Variants in TMIE observed in about 807,000 individuals in gnomAD.
The protein encoded by TMIE is transmembrane inner ear expressed protein.
A neutral mutation model predicts 16.8 loss-of-function variants in TMIE; 14 were observed. The ratio of observed to expected loss-of-function variants is 0.83; its 90% CI spans 0.55 to 1.30. TMIE has a LOEUF of 1.30. TMIE is among the 50% of genes most tolerant of loss of function. The pLI is 0.00. For missense variants in TMIE, 204 were observed against 205.9 expected (o/e 0.99, Z 0.06); for synonymous variants, 75 against 87.2 (o/e 0.86, Z 0.78).
Position 46,709,728 on chromosome 3 carries a change from C to T in TMIE, c.*40C>T, listed in dbSNP as rs1213546083. ...GCTTGGGCTGGCGGGCCCTGGAGCT[C>T]AAGCCGTGGCCGGGGTCCAGGCATG... On this transcript the variant is annotated 3_prime_UTR_variant, in exon 4 of 4. Transcript: ENST00000643606. The T allele has an allele frequency of 1.2e-6, 2 of 1,612,528 alleles. No individual in the cohort carries two copies. The highest frequency in any genetic ancestry group is 1.7e-5 in the Admixed American group (1 of 59,804).
chr3:46,703,722 G>T (rs1034210562), intron 1 of TMIE, among the ~76,000 whole-genome samples: 2 of 152,182 alleles, frequency 1.3e-5, no homozygotes, highest in Middle Eastern at 3.2e-3. Flanking sequence ...GGGACAGGTT[G>T]CTGATCCTCT....
At position 46,701,882 on chromosome 3, in the gene TMIE, T is replaced by TGCCCAGACTGATGGGGGATACTGGGC. The variant is rs1342925015; in HGVS notation, c.93+303_93+328dup. 2.0e-5 allele frequency among the ~76,000 whole-genome samples: 3 copies of TGCCCAGACTGATGGGGGATACTGGGC among 152,128 alleles called. No individual in the cohort carries two copies. Among genetic ancestry groups the TGCCCAGACTGATGGGGGATACTGGGC allele is most frequent in the African/African-American group, 7.2e-5 (3 of 41,434 alleles). ...CCAGCCTGACTTGGGGACACAGCCC[T>TGCCCAGACTGATGGGGGATACTGGGC]GCCCAGACTGATGGGGGATACTGGG... is the stretch of plus-strand genomic sequence containing the variant. On this transcript the variant is annotated intron_variant, in intron 1 of 3. Coordinates refer to ENST00000643606, the MANE Select transcript of TMIE (RefSeq NM_147196.3). The surrounding 1 kb of genome is among the most constrained non-coding windows in gnomAD (Gnocchi z 4.3).
At chr3:46,700,228 G>A (rs1700453271), upstream of TMIE, among the ~76,000 whole-genome samples, 1 of 152,218 alleles carries the variant, frequency 6.6e-6, no homozygotes, top group African/African-American at 2.4e-5. Context: ...CTCCTGGGCT[G>A]CAGTCCTTCT....
chr3:46,694,352 TGGGA>T (rs1700347782), upstream of TMIE, among the ~76,000 whole-genome samples: 1 of 152,158 alleles, frequency 6.6e-6, no homozygotes, highest in Non-Finnish European at 1.5e-5. Flanking sequence ...AAGACTTATC[TGGGA>T]CAGACCCCCC....
chr3:46,695,669 T>C (rs1700404724), intron 1 of TMIE, among the ~76,000 whole-genome samples: 2 of 152,172 alleles, frequency 1.3e-5, no homozygotes, highest in Non-Finnish European at 1.5e-5. Flanking sequence ...TCTGATCTTA[T>C]GCTAGGTGTC....
At chr3:46,700,461 C>T (rs1700456606), upstream of TMIE, among the ~76,000 whole-genome samples, 1 of 152,174 alleles carries the variant, frequency 6.6e-6, no homozygotes, top group Non-Finnish European at 1.5e-5. Context: ...TTCACCAGTG[C>T]CCCTGGTGAT....
At chr3:46,706,532 A>G (rs1047494914) in intron 2 of TMIE, among the ~76,000 whole-genome samples, 5 of 152,228 alleles carry the variant, frequency 3.3e-5, no homozygotes, top group Admixed American at 6.5e-5. Flanking sequence ...CACAGGAGAC[A>G]GAGGCCAAGT....
At chr3:46,709,391 T>C in intron 3 of TMIE, 116 bp downstream of exon 3, 1 of 1,597,104 alleles carries the variant, frequency 6.3e-7, no homozygotes. Flanking sequence ...GCCCCAGCCC[T>C]GCCCCTGGAG....
In TMIE at chr3:46,701,560, G is replaced by A. The variant is rs1424841168; in HGVS notation, c.73G>A (p.Val25Ile). 10 of 1,287,038 alleles carry A rather than the reference G, an allele frequency of 7.8e-6. No homozygotes were observed. Among genetic ancestry groups the A allele is most frequent in the South Asian group, 2.6e-5 (1 of 38,618 alleles). The allele number at this position is 1,287,038 out of a possible 1,614,324, so 79.7% of individuals were successfully genotyped here. ...CGCACTCGGGGTGTGCCTCGCGGGGGTTGCCGGGCAGCTGGTGGAGGTGAG... is the reference window on the plus strand; with the variant it reads ...CGCACTCGGGGTGTGCCTCGCGGGGATTGCCGGGCAGCTGGTGGAGGTGAG... ...GAALGVCLAG[V>I]AGQLVEPSTA... The change falls in exon 1 of 4, where the codon GTT becomes ATT. Residue 25 changes from valine to isoleucine, a missense_variant. Val to Ile is a conservative substitution (Grantham distance 29). Transcript: ENST00000643606. The surrounding 1 kb of genome is among the most constrained non-coding windows in gnomAD (Gnocchi z 4.3).
At chr3:46,698,436 T>C (rs1254742159), upstream of TMIE, among the ~76,000 whole-genome samples, 2 of 152,066 alleles carry the variant, frequency 1.3e-5, no homozygotes, top group African/African-American at 2.4e-5. Flanking sequence ...GCTTGTGATA[T>C]GCTGGTGCAT....
chr3:46,699,976 T>C (rs1700450663), upstream of TMIE, among the ~76,000 whole-genome samples: 1 of 152,242 alleles, frequency 6.6e-6, no homozygotes, highest in Admixed American at 6.5e-5. Context: ...GTCCTCACCC[T>C]GTCCAGCCTC....
chr3:46,701,325 C>CG, upstream of TMIE: 2 of 526,148 alleles, frequency 3.8e-6, no homozygotes, highest in Non-Finnish European at 6.4e-6. This position sits in a 1 kb window ranked among gnomAD's most constrained non-coding sequence, Gnocchi z 4.3. Flanking sequence ...GCAGCGATGG[C>CG]GGGGGCGGGC....
chr3:46,699,060 A>ATTTTTTTTTTTT (rs397951323), upstream of TMIE, among the ~76,000 whole-genome samples: 3 of 84,852 alleles, frequency 3.5e-5, no homozygotes, highest in South Asian at 4.3e-4. Context: ...GGTGTTTCTT[A>ATTTTTTTTTTTT]TTTTTTTTTT....
Position 46,709,879 on chromosome 3 carries a change from C to T in TMIE, c.*191C>T, listed in dbSNP as rs576093656. 2.9e-5 allele frequency: 36 copies of T among 1,223,262 alleles called. 1 individual carries two copies. In the African/African-American group the frequency reaches 3.2e-4, roughly 11 times the overall value. The allele number at this position is 1,223,262 out of a possible 1,614,324, so 75.8% of individuals were successfully genotyped here. A position where few individuals can be genotyped will look rare whatever the true frequency, so the allele number is the denominator to read the frequency against. Reference sequence around the variant, plus strand: ...ACAATCTCGTAGGTGTCCTGCCCCCCAGCCTAGGCTTGGCTCCTTTCACCC... The same window carrying T: ...ACAATCTCGTAGGTGTCCTGCCCCCTAGCCTAGGCTTGGCTCCTTTCACCC... On this transcript the variant is annotated 3_prime_UTR_variant, in exon 4 of 4. Coordinates refer to ENST00000643606, the MANE Select transcript of TMIE (RefSeq NM_147196.3).
chr3:46,709,719 C>T lies in TMIE; in HGVS notation c.*31C>T. 1 of 1,613,456 alleles carries T rather than the reference C, an allele frequency of 6.2e-7. No homozygotes were observed. The highest frequency in any genetic ancestry group is 8.5e-7 in the Non-Finnish European group (1 of 1,179,790). ...TCCTGGGCAGCTTGGGCTGGCGGGC[C>T]CTGGAGCTCAAGCCGTGGCCGGGGT... On this transcript the variant is annotated 3_prime_UTR_variant, in exon 4 of 4. Coordinates refer to ENST00000643606, the MANE Select transcript of TMIE (RefSeq NM_147196.3).
chr3:46,705,991 T>C lies in TMIE; in HGVS notation c.211+84T>C, dbSNP rs890323318. 9 of 1,420,430 alleles carry C rather than the reference T, an allele frequency of 6.3e-6. No homozygotes were observed. In the African/African-American group the frequency reaches 7.0e-5, roughly 11 times the overall value. 88.0% of individuals were successfully genotyped at this position (1,420,430 alleles called of 1,614,324 possible). A position where few individuals can be genotyped will look rare whatever the true frequency, so the allele number is the denominator to read the frequency against. The stretch of plus-strand genomic sequence containing the variant: ...CCCCCCAGAGGGCTCAGAGCAGCAA[T>C]TCCGGGCAGTGCAAGTAGGCCAGGC... On this transcript the variant is annotated intron_variant, in intron 2 of 3. Transcript: ENST00000643606.
intron 1 of TMIE, among the ~76,000 whole-genome samples, chr3:46,704,241 A>G (rs1381767338): frequency 7.1e-6 from 1 of 141,140 alleles, no homozygotes; most frequent in East Asian, 2.2e-4. Flanking sequence ...CCATGTCCCT[A>G]GACACCCAGG....
intron 3 of TMIE, 46 bp downstream of exon 3, chr3:46,709,321 A>C (rs773448074): frequency 6.2e-7 from 1 of 1,613,266 alleles, no homozygotes; most frequent in South Asian, 1.1e-5. Flanking sequence ...CCAGTTCCTC[A>C]GTCCTGCTGC....
At chr3:46,708,142 A>G (rs533713597) in intron 2 of TMIE, among the ~76,000 whole-genome samples, 1 of 152,114 alleles carries the variant, frequency 6.6e-6, no homozygotes, top group East Asian at 1.9e-4. Context: ...TCATTCATTG[A>G]TTTTTTTCTT....
Sources: allele counts gnomAD v4.1 joint callset (sites outside exome capture counted in the v4.1 genomes callset), GRCh38; gene constraint gnomAD v4.1.1; non-coding constraint Gnocchi (gnomAD v3.1); transcripts MANE v1.5; gene names NCBI Gene and HGNC (gene_info 2026-07-23, HGNC 2026-07-21).